The following ZFPM2 variants were observed in gnomAD, a reference collection of about 807,000 sequenced individuals.
ZFPM2 encodes the protein zinc finger protein, FOG family member 2.
Under a neutral mutation model 98.6 loss-of-function variants are expected in ZFPM2, and 20 were observed. The ratio of observed to expected loss-of-function variants is 0.20; its 90% CI spans 0.14 to 0.29. The LOEUF (loss-of-function observed/expected upper bound fraction) is 0.29, where lower values mean the gene tolerates loss of function less well. Ranked by LOEUF, ZFPM2 falls within the 10% of genes least tolerant of loss-of-function variation. ZFPM2 has a pLI of 1.00. For missense variants in ZFPM2, 1,310 were observed against 1,388.6 expected, an observed-to-expected ratio of 0.94 and a Z score of 0.90; for synonymous variants, 518 against 502.7, an observed-to-expected ratio of 1.03 and a Z score of -0.41.
intron 5 of ZFPM2, among the ~76,000 whole-genome samples, chr8:105,693,214 A>T (rs1810930633): frequency 6.6e-6 from 1 of 152,224 alleles, no homozygotes; most frequent in Non-Finnish European, 1.5e-5. Flanking sequence ...AGAACCAGTG[A>T]TTCTTGGATG....
At chr8:105,445,557 T>C (rs1326588821) in intron 3 of ZFPM2, among the ~76,000 whole-genome samples, 2 of 151,904 alleles carry the variant, frequency 1.3e-5, no homozygotes, top group East Asian at 1.9e-4. Context: ...GGTTTTGTCA[T>C]GGAGGTTACC....
At chr8:105,763,503 AAGTAAATAATTATG>A (rs1201296724) in intron 5 of ZFPM2, among the ~76,000 whole-genome samples, 23 of 151,880 alleles carry the variant, frequency 1.5e-4, no homozygotes, top group African/African-American at 5.3e-4. Context: ...TTGCCATTCC[AAGTAAATAATTATG>A]AGAAGAGAGT....
intron 3 of ZFPM2, among the ~76,000 whole-genome samples, chr8:105,539,638 C>G (rs886819061): frequency 6.6e-6 from 1 of 152,060 alleles, no homozygotes; most frequent in African/African-American, 2.4e-5. Context: ...TTACATGCAC[C>G]TTTGTGAGGC....
intron 5 of ZFPM2, among the ~76,000 whole-genome samples, chr8:105,683,887 A>G (rs1810670138): frequency 6.6e-6 from 1 of 152,112 alleles, no homozygotes; most frequent in Non-Finnish European, 1.5e-5. Context: ...CTGTGTGTTC[A>G]TTTTTGTATC....
chr8:105,539,143 C>T (rs569194165), intron 3 of ZFPM2, among the ~76,000 whole-genome samples: 34 of 152,274 alleles, frequency 2.2e-4, no homozygotes, highest in African/African-American at 8.2e-4. Flanking sequence ...GTTCTCCTAC[C>T]TCAAAGAGAT....
intron 1 of ZFPM2, among the ~76,000 whole-genome samples, chr8:105,408,622 A>G (rs918363386): frequency 6.6e-6 from 1 of 151,978 alleles, no homozygotes; most frequent in African/African-American, 2.4e-5. Flanking sequence ...GCGAATTTGT[A>G]TAAAGTTTGT....
At chr8:105,518,583 C>T (rs374164860) in intron 3 of ZFPM2, among the ~76,000 whole-genome samples, 3 of 152,096 alleles carry the variant, frequency 2.0e-5, no homozygotes, top group East Asian at 1.9e-4. Flanking sequence ...GTTATTACAG[C>T]CACATAACTG....
At chr8:105,363,418 A>C (rs1232559632) in intron 1 of ZFPM2, among the ~76,000 whole-genome samples, 1 of 152,128 alleles carries the variant, frequency 6.6e-6, no homozygotes, top group East Asian at 1.9e-4. Context: ...TGTCCTTTGT[A>C]AGCTTTAGTT....
intron 4 of ZFPM2, among the ~76,000 whole-genome samples, chr8:105,606,787 A>G (rs1816205792): frequency 6.6e-6 from 1 of 152,138 alleles, no homozygotes; most frequent in South Asian, 2.1e-4. Context: ...ATTACTTTCC[A>G]AATAAAAAAA....
rs143645311 is a variant in ZFPM2 at position 105,488,490 on chromosome 8, G to A, written c.301+44109G>A. Among the ~76,000 whole-genome samples the A allele has an allele frequency of 2.9e-3, 437 of 152,202 alleles. 2 individuals carry two copies. Among genetic ancestry groups the A allele is most frequent in the African/African-American group, 0.01 (419 of 41,520 alleles). The stretch of plus-strand genomic sequence containing the variant: ...GAAAGGTTAAGTAACAGCCGGGCGC[G>A]GTGGTTTACACCTGTAATCCCAGCA... On this transcript the variant is annotated intron_variant, in intron 3 of 7. Transcript: ENST00000407775.
chr8:105,675,210 T>C lies in ZFPM2; in HGVS notation c.532+40853T>C, dbSNP rs146899761. ...CACTGCTCTAATATATCTTTGGTAC[T>C]AGTGTGTCCCCTCAACCATCAGAGT... On this transcript the variant is annotated intron_variant, in intron 5 of 7. Coordinates refer to ENST00000407775, the MANE Select transcript of ZFPM2 (RefSeq NM_012082.4). 3.9e-5 allele frequency among the ~76,000 whole-genome samples: 6 copies of C among 152,300 alleles called. No homozygotes were observed. The South Asian group carries it at 1.0e-3, about 26-fold the overall frequency.
chr8:105,547,879 A>G (rs899425836), intron 3 of ZFPM2, among the ~76,000 whole-genome samples: 1 of 152,178 alleles, frequency 6.6e-6, no homozygotes, highest in African/African-American at 2.4e-5. Flanking sequence ...CATTTGCATG[A>G]TGCAGTTTTA....
At chr8:105,517,707 C>CACACA (rs61552974) in intron 3 of ZFPM2, among the ~76,000 whole-genome samples, 2 of 124,892 alleles carry the variant, frequency 1.6e-5, no homozygotes, top group Non-Finnish European at 1.6e-5. Context: ...CACACACACA[C>CACACA]CACACACACA....
At chr8:105,730,091 C>T (rs1307696577) in intron 5 of ZFPM2, among the ~76,000 whole-genome samples, 1 of 151,318 alleles carries the variant, frequency 6.6e-6, no homozygotes, top group East Asian at 2.0e-4. Flanking sequence ...TTGTCCTAGA[C>T]CCTGAGAATA....
At chr8:105,783,224 T>G (rs576854379) in intron 5 of ZFPM2, among the ~76,000 whole-genome samples, 42 of 149,128 alleles carry the variant, frequency 2.8e-4, no homozygotes, top group Middle Eastern at 3.4e-3. Context: ...TTTTTTTTTT[T>G]TTTTTTTTTT....
chr8:105,549,069 A>T (rs1253333340), intron 3 of ZFPM2, among the ~76,000 whole-genome samples: 1 of 152,132 alleles, frequency 6.6e-6, no homozygotes, highest in Non-Finnish European at 1.5e-5. Context: ...ATATGTAAGG[A>T]TTCTCTGTTA....
rs78082118 is a variant in ZFPM2 at position 105,525,091 on chromosome 8, T to C, written c.302-36272T>C. Among the ~76,000 whole-genome samples, 41 of 152,322 alleles carry C rather than the reference T, an allele frequency of 2.7e-4. No individual in the cohort carries two copies. In the East Asian group the frequency reaches 7.9e-3, roughly 29 times the overall value. Reference sequence around the variant, plus strand: ...TGTATCCAATTGTAAAATCCTACAGTGTAATTAAAACCTGTTTGTGACCCC... The same window carrying C: ...TGTATCCAATTGTAAAATCCTACAGCGTAATTAAAACCTGTTTGTGACCCC... On this transcript the variant is annotated intron_variant, in intron 3 of 7. Transcript: ENST00000407775.
intron 5 of ZFPM2, among the ~76,000 whole-genome samples, chr8:105,661,160 T>C (rs372258173): frequency 6.6e-6 from 1 of 152,186 alleles, no homozygotes; most frequent in African/African-American, 2.4e-5. Flanking sequence ...TGTAAACCTG[T>C]GTGAATTGCT....
chr8:105,668,880 A>C (rs542344162), intron 5 of ZFPM2, among the ~76,000 whole-genome samples: 1 of 152,324 alleles, frequency 6.6e-6, no homozygotes, highest in African/African-American at 2.4e-5. Flanking sequence ...TCAAACACCT[A>C]GCAGAGTTTA....
Sources: gnomAD v4.1 joint callset for allele counts (sites outside exome capture counted in the v4.1 genomes callset) on GRCh38, gnomAD v4.1.1 for gene constraint, MANE v1.5 for transcripts, NCBI Gene and HGNC (gene_info 2026-07-23, HGNC 2026-07-21) for gene names.